The following SGTA variants were observed in gnomAD, a reference collection of about 807,000 sequenced individuals.
SGTA encodes small glutamine-rich tetratricopeptide repeat-containing protein alpha.
Under a neutral mutation model 44.3 loss-of-function variants are expected in SGTA, and 22 were observed. The ratio of observed to expected loss-of-function variants is 0.50; its 90% confidence interval spans 0.36 to 0.71. SGTA has a LOEUF of 0.71. Ranked by LOEUF, SGTA falls within the 30% of genes least tolerant of loss-of-function variation. The probability of loss-of-function intolerance (pLI) is 0.00; values close to 1 mark genes in which losing one functional copy is unlikely to be tolerated. For synonymous variants in SGTA, 174 were observed against 177.6 expected, an observed-to-expected ratio of 0.98 and a Z score of 0.16; for missense variants, 341 against 435.9, an observed-to-expected ratio of 0.78 and a Z score of 1.94.
intron 8 of SGTA, among the ~76,000 whole-genome samples, chr19:2,759,718 T>C (rs1413201056): frequency 6.6e-6 from 1 of 152,192 alleles, no homozygotes; most frequent in Non-Finnish European, 1.5e-5. Flanking sequence ...CCCAGCACTT[T>C]AGGAGGCCGA....
intron 1 of SGTA, among the ~76,000 whole-genome samples, chr19:2,779,049 C>T (rs1235008759): frequency 6.6e-6 from 1 of 152,184 alleles, no homozygotes; most frequent in African/African-American, 2.4e-5. Context: ...CTGGCTCCCC[C>T]CACTGCACAC....
At chr19:2,756,993 C>G (rs928029144) in intron 11 of SGTA, among the ~76,000 whole-genome samples, 1 of 152,222 alleles carries the variant, frequency 6.6e-6, no homozygotes, top group African/African-American at 2.4e-5. Context: ...AAACAAAGAG[C>G]TTCTGCAGGC....
intron 2 of SGTA, among the ~76,000 whole-genome samples, chr19:2,768,426 G>A (rs527691124): frequency 1.3e-5 from 2 of 152,310 alleles, no homozygotes; most frequent in South Asian, 4.1e-4. Context: ...AGGTGGGGAA[G>A]GAGGACCTAG....
At chr19:2,782,032 G>C (rs940846491) in intron 1 of SGTA, among the ~76,000 whole-genome samples, 5 of 152,096 alleles carry the variant, frequency 3.3e-5, no homozygotes, top group African/African-American at 1.2e-4. Context: ...AGTAGAGACG[G>C]GGTTTCACCA....
intron 1 of SGTA, among the ~76,000 whole-genome samples, chr19:2,771,950 C>T (rs890914861): frequency 1.3e-5 from 2 of 152,278 alleles, no homozygotes; most frequent in Non-Finnish European, 2.9e-5. Context: ...AATCCACTCC[C>T]TGTCCAGGGC....
At chr19:2,768,628 C>T (rs1319713155) in intron 2 of SGTA, among the ~76,000 whole-genome samples, 4 of 152,192 alleles carry the variant, frequency 2.6e-5, no homozygotes, top group Non-Finnish European at 5.9e-5. Context: ...GCTTTTTCCC[C>T]GTGACCGATG....
chr19:2,758,055 G>A (rs933295258), intron 9 of SGTA, among the ~76,000 whole-genome samples: 4 of 152,212 alleles, frequency 2.6e-5, no homozygotes, highest in African/African-American at 9.6e-5. Flanking sequence ...CAATGGCAGC[G>A]GACATTTGCA....
At chr19:2,768,930 C>T (rs1171220866) in intron 2 of SGTA, 39 bp downstream of exon 2, 1 of 1,492,942 alleles carries the variant, frequency 6.7e-7, no homozygotes. Flanking sequence ...GTGCTGGCCG[C>T]TGCCCGGGGA....
rs186905379 is a variant in SGTA at position 2,780,950 on chromosome 19, G to A, written c.-24+2283C>T. Among the ~76,000 whole-genome samples, 10 of 152,354 alleles carry A rather than the reference G, an allele frequency of 6.6e-5. No individual in the cohort carries two copies. The East Asian group carries it at 1.3e-3, about 21-fold the overall frequency. On this transcript the variant is annotated intron_variant, in intron 1 of 11. Transcript: ENST00000221566. ...AAAATACAAAAATTAGCTGGGTGTA[G>A]TAGTGCATACCTGTAGTCCCAGCTA...
chr19:2,776,860 G>C (rs187401250), intron 1 of SGTA, among the ~76,000 whole-genome samples: 1 of 152,310 alleles, frequency 6.6e-6, no homozygotes, highest in Admixed American at 6.5e-5. Context: ...CTACTCAGGA[G>C]GCTGAGGCGG....
chr19:2,777,777 G>A (rs1028751005), intron 1 of SGTA: 1 of 152,150 alleles, frequency 6.6e-6, no homozygotes, highest in African/African-American at 2.4e-5. Flanking sequence ...TGGGCCAGGA[G>A]CGGTGGCTCA....
At chr19:2,778,050 C>A (rs1228388335) in intron 1 of SGTA, 3 of 150,992 alleles carry the variant, frequency 2.0e-5, no homozygotes, top group African/African-American at 7.3e-5. Context: ...TCAGACCTGG[C>A]TGAGTCCCCG....
intron 1 of SGTA, among the ~76,000 whole-genome samples, chr19:2,778,855 G>A (rs1324703727): frequency 6.6e-6 from 1 of 152,168 alleles, no homozygotes; most frequent in Non-Finnish European, 1.5e-5. Context: ...GTGAATCCTA[G>A]GAGCTGGGGA....
At chr19:2,757,284 A>ATGGGGC in intron 11 of SGTA, 53 bp downstream of exon 11, 2 of 1,580,568 alleles carry the variant, frequency 1.3e-6, no homozygotes, top group Middle Eastern at 1.9e-4. Flanking sequence ...CCAGGCACTC[A>ATGGGGC]CGTGGTGTCA....
In SGTA at chr19:2,767,631, A is replaced by G. The variant is rs747108836; in HGVS notation, c.156T>C (p.Leu52=). The change falls in exon 3 of 12, where the codon CTT becomes CTC. Residue 52 remains leucine (L), a synonymous_variant. Coordinates refer to ENST00000221566, the MANE Select transcript of SGTA (RefSeq NM_003021.4). The surrounding 1 kb of genome is among the most constrained non-coding windows in gnomAD (Gnocchi z 7.3). The part of the protein sequence containing the change: ...AFGVTVEDSD[L]ALPQTLPEIF... ...TCTCCGGCAGAGTCTGAGGGAGCGC[A>G]AGGTCACTGTCTTCTACCGTCACCC... is the stretch of plus-strand genomic sequence containing the variant. 13 of 1,613,566 alleles carry G rather than the reference A, an allele frequency of 8.1e-6. No individual in the cohort carries two copies. In the South Asian group the frequency reaches 1.2e-4, roughly 15 times the overall value.
intron 1 of SGTA, among the ~76,000 whole-genome samples, chr19:2,781,225 G>A (rs1420688718): frequency 2.0e-5 from 3 of 152,190 alleles, no homozygotes; most frequent in African/African-American, 4.8e-5. Flanking sequence ...GAGCTCACCC[G>A]CATTTGGAAT....
At chr19:2,766,482 G>T (rs878942535) in intron 4 of SGTA, among the ~76,000 whole-genome samples, 7 of 151,792 alleles carry the variant, frequency 4.6e-5, no homozygotes, top group Admixed American at 3.9e-4. Flanking sequence ...GCCCAGGCTG[G>T]AGTGCAGTGG....
At chr19:2,774,123 C>T (rs1055357726) in intron 1 of SGTA, among the ~76,000 whole-genome samples, 2 of 152,204 alleles carry the variant, frequency 1.3e-5, no homozygotes, top group African/African-American at 4.8e-5. Flanking sequence ...TCTGTTTCAG[C>T]TGCCTGGTCT....
intron 1 of SGTA, among the ~76,000 whole-genome samples, chr19:2,782,146 G>A (rs1394149311): frequency 6.6e-6 from 1 of 152,170 alleles, no homozygotes; most frequent in African/African-American, 2.4e-5. Flanking sequence ...TTTCTGGGGT[G>A]AGGCCGTCCT....
Sources: gnomAD v4.1 joint callset for allele counts (sites outside exome capture counted in the v4.1 genomes callset) on GRCh38, gnomAD v4.1.1 for gene constraint, Gnocchi (gnomAD v3.1) non-coding constraint, MANE v1.5 for transcripts, NCBI Gene and HGNC (gene_info 2026-07-23, HGNC 2026-07-21) for gene names.